The following ATP2C2 variants were observed in gnomAD, a reference collection of about 807,000 sequenced individuals.
ATP2C2 encodes the protein ATPase secretory pathway Ca2+ transporting 2.
ATP2C2 carries 171 observed loss-of-function variants against 110.8 expected under a neutral mutation model. The observed-to-expected ratio is 1.54, with a 90% CI of 1.36 to 1.75. The LOEUF is 1.75. ATP2C2 is among the 40% of genes most tolerant of loss of function. The pLI is 0.00. For missense variants in ATP2C2, 1,963 were observed against 1,235.0 expected, an observed-to-expected ratio of 1.59 and a Z score of -8.84; for synonymous variants, 804 against 508.4, an observed-to-expected ratio of 1.58 and a Z score of -7.82.
At chr16:84,451,279 C>T (rs543409993) in intron 17 of ATP2C2, among the ~76,000 whole-genome samples, 1 of 152,300 alleles carries the variant, frequency 6.6e-6, no homozygotes, top group African/African-American at 2.4e-5. Context: ...ATTCAATTAT[C>T]TCCCACTGGG....
At chr16:84,396,586 C>T (rs1045957799) in intron 1 of ATP2C2, among the ~76,000 whole-genome samples, 2 of 145,442 alleles carry the variant, frequency 1.4e-5, no homozygotes, top group African/African-American at 2.6e-5. Flanking sequence ...AAAGTGAATT[C>T]GGTGTAGTGA....
At position 84,461,984 on chromosome 16, in the gene ATP2C2, G is replaced by A. The variant is rs754683816; in HGVS notation, c.2581-4G>A. On this transcript the variant is annotated splice_polypyrimidine_tract_variant and splice_region_variant and intron_variant, in intron 25 of 26. Coordinates refer to ENST00000262429, the MANE Select transcript of ATP2C2 (RefSeq NM_014861.4). ...CAATCCCCCGTGTGACCTTCTCCCT[G>A]CAGACCAAGCTGATATTTGAGATCG... 1.5e-5 allele frequency: 24 copies of A among 1,613,020 alleles called. No individual in the cohort carries two copies. Among genetic ancestry groups the A allele is most frequent in the Admixed American group, 1.2e-4 (7 of 59,960 alleles).
intron 6 of ATP2C2, among the ~76,000 whole-genome samples, chr16:84,411,956 TCTTTCTTTC>T (rs1242141228): frequency 6.6e-6 from 1 of 151,926 alleles, no homozygotes; most frequent in Admixed American, 6.6e-5. Flanking sequence ...TTCTTTCTTT[TCTTTCTTTC>T]CTTTCTCTTC....
intron 1 of ATP2C2, among the ~76,000 whole-genome samples, chr16:84,386,350 G>A (rs1904323116): frequency 6.6e-6 from 1 of 152,104 alleles, no homozygotes. Context: ...ATACCACAGG[G>A]TTTGTGCCAG....
intron 1 of ATP2C2, among the ~76,000 whole-genome samples, chr16:84,392,154 G>T (rs1317419717): frequency 6.6e-6 from 1 of 151,940 alleles, no homozygotes; most frequent in African/African-American, 2.4e-5. Flanking sequence ...TGCCAATGAG[G>T]GGAGCCAATC....
intron 6 of ATP2C2, 70 bp from the exon 7 acceptor site, chr16:84,415,413 C>A: frequency 7.9e-7 from 1 of 1,258,266 alleles, no homozygotes; most frequent in South Asian, 1.2e-5. Context: ...TCTCCTTGTT[C>A]AAATGTATCA....
chr16:84,377,222 G>C (rs988228892), intron 1 of ATP2C2, among the ~76,000 whole-genome samples: 4 of 152,200 alleles, frequency 2.6e-5, no homozygotes, highest in African/African-American at 9.7e-5. Context: ...AGTCCTAGTA[G>C]TAGTGGAAGT....
chr16:84,387,925 T>TC (rs1904411631), intron 1 of ATP2C2, among the ~76,000 whole-genome samples: 1 of 128,134 alleles, frequency 7.8e-6, no homozygotes, highest in African/African-American at 2.9e-5. Context: ...ATCCCATGCC[T>TC]ATTTTTTTTT....
At chr16:84,390,984 G>A (rs1266292638) in intron 1 of ATP2C2, among the ~76,000 whole-genome samples, 1 of 151,806 alleles carries the variant, frequency 6.6e-6, no homozygotes, top group African/African-American at 2.4e-5. Context: ...CGTGGTGGTG[G>A]GCACCTGTAA....
At chr16:84,418,639 G>A (rs539189646) in intron 7 of ATP2C2, among the ~76,000 whole-genome samples, 8 of 152,248 alleles carry the variant, frequency 5.3e-5, no homozygotes, top group Admixed American at 2.0e-4. Flanking sequence ...GTGGCCCTGC[G>A]CAGTCACACG....
At chr16:84,458,987 C>T (rs537059689) in intron 21 of ATP2C2, 133 bp from the exon 22 acceptor site, 2 of 951,962 alleles carry the variant, frequency 2.1e-6, no homozygotes, top group African/African-American at 1.6e-5. Flanking sequence ...AGAATGCCAG[C>T]AAGGGGAACC....
intron 1 of ATP2C2, among the ~76,000 whole-genome samples, chr16:84,385,380 C>T (rs1721551131): frequency 6.6e-6 from 1 of 152,190 alleles, no homozygotes. Context: ...TCACCTCCCA[C>T]CAGGCCCACC....
At position 84,451,933 on chromosome 16, in the gene ATP2C2, C is replaced by A. The variant is rs779949165; in HGVS notation, c.1673C>A (p.Ala558Asp). 1 of 1,614,014 alleles carries A rather than the reference C, an allele frequency of 6.2e-7. No individual in the cohort carries two copies. The highest frequency in any genetic ancestry group is 8.5e-7 in the Non-Finnish European group (1 of 1,179,998). The change falls in exon 18 of 27, where the codon GCT becomes GAT. Residue 558 changes from alanine to aspartate, a missense_variant. Coordinates refer to ENST00000262429, the MANE Select transcript of ATP2C2 (RefSeq NM_014861.4). ...GSLGLRVLAL[A>D]SGPELGRLTF... ...CCTCTCTCCTCAGTGCTGGCCCTGG[C>A]TTCTGGGCCCGAGCTGGGGCGGCTG... is the stretch of plus-strand genomic sequence containing the variant.
chr16:84,458,921 C>T (rs1037337503), intron 21 of ATP2C2, among the ~76,000 whole-genome samples, 199 bp from the exon 22 acceptor site: 1 of 152,134 alleles, frequency 6.6e-6, no homozygotes, highest in Admixed American at 6.5e-5. Context: ...GGATCAGTTC[C>T]CAGTGGCCGA....
At chr16:84,368,782 C>T (rs999642605) in intron 1 of ATP2C2, 68 bp downstream of exon 1, 25 of 1,283,014 alleles carry the variant, frequency 1.9e-5, no homozygotes, top group Non-Finnish European at 2.6e-5. Context: ...TAACCGTCCC[C>T]GGCCCGAGAC....
At chr16:84,430,824 C>G (rs556638933) in intron 11 of ATP2C2, among the ~76,000 whole-genome samples, 2 of 152,156 alleles carry the variant, frequency 1.3e-5, no homozygotes, top group African/African-American at 4.8e-5. Flanking sequence ...ACTAGCACAA[C>G]TTATGGGATC....
At chr16:84,434,990 T>C (rs1908612630) in intron 11 of ATP2C2, among the ~76,000 whole-genome samples, 1 of 152,268 alleles carries the variant, frequency 6.6e-6, no homozygotes, top group Non-Finnish European at 1.5e-5. Context: ...CGAAGCCTTC[T>C]GGCTGTCACT....
chr16:84,430,998 T>C (rs187140371), intron 11 of ATP2C2, among the ~76,000 whole-genome samples: 146 of 152,240 alleles, frequency 9.6e-4, no homozygotes, highest in South Asian at 2.5e-3. Flanking sequence ...TCGAGTTTGT[T>C]TGCCCCATGA....
At chr16:84,439,330 T>C in intron 12 of ATP2C2, 40 bp downstream of exon 12, 1 of 1,613,560 alleles carries the variant, frequency 6.2e-7, no homozygotes, top group Non-Finnish European at 8.5e-7. Context: ...CACGTGGAAT[T>C]GAATGGGGGC....
Sources: allele counts gnomAD v4.1 joint callset (sites outside exome capture counted in the v4.1 genomes callset), GRCh38; gene constraint gnomAD v4.1.1; transcripts MANE v1.5; gene names NCBI Gene and HGNC (gene_info 2026-07-23, HGNC 2026-07-21).